CDKL4: variants seen among roughly 807,000 people sequenced by gnomAD.
CDKL4 encodes the protein cyclin-dependent kinase-like 4.
In CDKL4, 44 loss-of-function variants were observed where a neutral mutation model predicts 42.0. That is an observed-to-expected ratio of 1.05 (90% confidence interval 0.82 to 1.35). The LOEUF (loss-of-function observed/expected upper bound fraction) is 1.35, where lower values mean the gene tolerates loss of function less well. Ranked by LOEUF, CDKL4 falls within the 40% of genes most tolerant of loss-of-function variation. The probability of loss-of-function intolerance (pLI) is 0.00; values close to 1 mark genes in which losing one functional copy is unlikely to be tolerated. For missense variants in CDKL4, 393 were observed against 369.9 expected (o/e 1.06, Z -0.51); for synonymous variants, 120 against 121.6 (o/e 0.99, Z 0.09).
At chr2:39,173,502 C>A (rs898733351), downstream of CDKL4, among the ~76,000 whole-genome samples, 1 of 151,254 alleles carries the variant, frequency 6.6e-6, no homozygotes, top group African/African-American at 2.4e-5. Flanking sequence ...TATACCAAGA[C>A]CTTTTCTCTA....
rs1412059783 is a variant in CDKL4, at chr2:39,185,376, ATG to A, written c.736-731_736-730del. On this transcript the variant is annotated intron_variant, in intron 7 of 9. Coordinates refer to ENST00000451199, the Ensembl canonical transcript of CDKL4. ...TGTATATATACATATATATATACATATGTATATATACATGTATATATACATAT... is the reference window on the plus strand; with the variant it reads ...TGTATATATACATATATATATACATATATATATACATGTATATATACATAT... 8.5e-5 allele frequency among the ~76,000 whole-genome samples: 5 copies of A among 58,588 alleles called. 1 individual carries two copies. The highest frequency in any genetic ancestry group is 3.4e-4 in the African/African-American group (5 of 14,876). 38.4% of individuals were successfully genotyped at this position (58,588 alleles called of 152,430 possible).
At chr2:39,171,950 C>T (rs934967994), downstream of CDKL4, among the ~76,000 whole-genome samples, 1 of 152,170 alleles carries the variant, frequency 6.6e-6, no homozygotes, top group Non-Finnish European at 1.5e-5. Flanking sequence ...AACAGAAACT[C>T]ATAATTACGG....
At chr2:39,229,181 T>C (rs1678940181) in intron 2 of CDKL4, among the ~76,000 whole-genome samples, 184 bp downstream of exon 2, 1 of 152,224 alleles carries the variant, frequency 6.6e-6, no homozygotes, top group South Asian at 2.1e-4. Flanking sequence ...TATAGCTGTA[T>C]TCATACACAG....
intron 9 of CDKL4, chr2:39,178,971 G>A: frequency 6.9e-7 from 1 of 1,439,536 alleles, no homozygotes; most frequent in Non-Finnish European, 9.1e-7. Context: ...TTTGATTCAG[G>A]TGTGTTTGGA....
At chr2:39,181,873 T>C (rs997146022) in intron 8 of CDKL4, among the ~76,000 whole-genome samples, 1 of 152,218 alleles carries the variant, frequency 6.6e-6, no homozygotes. Flanking sequence ...GAAAAAGCAA[T>C]ACAGCCACTG....
chr2:39,180,856 C>T (rs979597633), intron 8 of CDKL4, among the ~76,000 whole-genome samples: 5 of 152,038 alleles, frequency 3.3e-5, no homozygotes, highest in Non-Finnish European at 5.9e-5. Flanking sequence ...ATGCTGAGTA[C>T]ATTTTTGTAT....
At chr2:39,173,494 T>C (rs549868164), downstream of CDKL4, among the ~76,000 whole-genome samples, 8 of 150,966 alleles carry the variant, frequency 5.3e-5, no homozygotes, top group East Asian at 2.0e-4. Flanking sequence ...CTGGGCAATA[T>C]ACCAAGACCT....
intron 1 of CDKL4, among the ~76,000 whole-genome samples, chr2:39,240,983 A>T (rs1274818336): frequency 1.3e-5 from 2 of 152,258 alleles, no homozygotes; most frequent in East Asian, 3.8e-4. Context: ...ACTGTTCCAG[A>T]TTGAAGACTA....
At position 39,185,357 on chromosome 2, in the gene CDKL4, T is replaced by C. The variant is rs1675720201; in HGVS notation, c.736-710A>G. On this transcript the variant is annotated intron_variant, in intron 7 of 9. Transcript: ENST00000451199. ...ATGTATATATATACACATATGTATA[T>C]ATACATATATATATACATATGTATA... Among the ~76,000 whole-genome samples the C allele has an allele frequency of 5.0e-5, 5 of 100,710 alleles. 1 individual carries two copies. Among genetic ancestry groups the C allele is most frequent in the African/African-American group, 2.1e-4 (5 of 23,764 alleles). The allele number at this position is 100,710 out of a possible 152,430, so 66.1% of individuals were successfully genotyped here. A position where few individuals can be genotyped will look rare whatever the true frequency, so the allele number is the denominator to read the frequency against.
At position 39,230,002 on chromosome 2, in the gene CDKL4, TAAG is replaced by T. The variant is rs533721738; in HGVS notation, c.-56-417_-56-415del. On this transcript the variant is annotated intron_variant, in intron 1 of 9. Coordinates refer to ENST00000451199, the Ensembl canonical transcript of CDKL4. ...TACACAATGACTAGGAGGAGTTGTG[TAAG>T]AAGACATGGTACAAAAAGTGCTATA... 9.2e-5 allele frequency among the ~76,000 whole-genome samples: 14 copies of T among 152,336 alleles called. No individual in the cohort carries two copies. The East Asian group carries it at 2.7e-3, about 29-fold the overall frequency.
intron 6 of CDKL4, among the ~76,000 whole-genome samples, chr2:39,189,024 A>G (rs1485966082): frequency 2.6e-5 from 4 of 152,232 alleles, no homozygotes; most frequent in African/African-American, 9.6e-5. Flanking sequence ...AAACTCAGGT[A>G]TGTAATGTAA....
Position 39,185,241 on chromosome 2 carries a change from CATATATACACATAT to C in CDKL4, c.736-608_736-595del, listed in dbSNP as rs1675682653. ...ACATATATACACATACGTATATATA[CATATATACACATAT>C]GTATATATACATATATATACACATA... On this transcript the variant is annotated intron_variant, in intron 7 of 9. Coordinates refer to ENST00000451199, the Ensembl canonical transcript of CDKL4. Among the ~76,000 whole-genome samples, 3 of 7,694 alleles carry C rather than the reference CATATATACACATAT, an allele frequency of 3.9e-4. 1 individual carries two copies. The highest frequency in any genetic ancestry group is 1.0e-3 in the African/African-American group (2 of 1,918). 5.0% of individuals were successfully genotyped at this position (7,694 alleles called of 152,430 possible). A position where few individuals can be genotyped will look rare whatever the true frequency, so the allele number is the denominator to read the frequency against.
chr2:39,187,860 G>T, intron 6 of CDKL4, 151 bp from the exon 7 acceptor site: 1 of 596,722 alleles, frequency 1.7e-6, no homozygotes, highest in Admixed American at 3.0e-5. Context: ...TTGACGTCAA[G>T]AGTTCGAGAC....
chr2:39,174,266 T>C (rs890838081), downstream of CDKL4, among the ~76,000 whole-genome samples: 5 of 151,758 alleles, frequency 3.3e-5, no homozygotes, highest in African/African-American at 1.2e-4. Flanking sequence ...ATTAGCCAGG[T>C]GTGGTGGCAC....
chr2:39,205,621 G>A (rs141726667), intron 4 of CDKL4, among the ~76,000 whole-genome samples: 2,524 of 151,840 alleles, frequency 0.017, 78 homozygotes, highest in African/African-American at 0.058. Context: ...TTAACCAGGC[G>A]TGGTGGCAGG....
At chr2:39,170,035 A>AT in the CDKL4 span, among the ~76,000 whole-genome samples, 2 of 151,978 alleles carry the variant, frequency 1.3e-5, no homozygotes, top group Non-Finnish European at 2.9e-5. Context: ...TAACTTTTGT[A>AT]TTTTTTGTGG....
intron 1 of CDKL4, among the ~76,000 whole-genome samples, chr2:39,239,043 C>T (rs572882925): frequency 1.2e-4 from 19 of 152,274 alleles, no homozygotes; most frequent in Admixed American, 3.9e-4. Context: ...TGAGCCACTG[C>T]GCCTGGCCCA....
chr2:39,198,723 C>T (rs1295450019), intron 5 of CDKL4, among the ~76,000 whole-genome samples: 1 of 152,126 alleles, frequency 6.6e-6, no homozygotes, highest in Non-Finnish European at 1.5e-5. Context: ...AAATGACCTG[C>T]TCCTGAATGA....
rs559363726 is a variant in CDKL4 at position 39,192,276 on chromosome 2, T to G, written c.455-1774A>C. Among the ~76,000 whole-genome samples the G allele has an allele frequency of 3.9e-5, 6 of 152,272 alleles. No homozygotes were observed. The South Asian group carries it at 1.2e-3, about 32-fold the overall frequency. On this transcript the variant is annotated intron_variant, in intron 5 of 9. Transcript: ENST00000451199. The stretch of plus-strand genomic sequence containing the variant: ...CATAAGGAAACAGAAAGAAGGTAAA[T>G]ATACCCAAGTTTTACCACCCAAAGG...
Sources: gnomAD v4.1 joint callset for allele counts (sites outside exome capture counted in the v4.1 genomes callset) on GRCh38, gnomAD v4.1.1 for gene constraint, MANE v1.5 for transcripts, NCBI Gene and HGNC (gene_info 2026-07-23, HGNC 2026-07-21) for gene names.